UBXN11: variants seen among roughly 807,000 people sequenced by gnomAD.
UBXN11 encodes UBX domain-containing protein 11.
In UBXN11, 47 loss-of-function variants were observed where a neutral mutation model predicts 62.8. That is an observed-to-expected ratio of 0.75 (90% CI 0.59 to 0.95). UBXN11 has a LOEUF of 0.95. UBXN11 is among the 40% of genes least tolerant of loss of function. The pLI is 0.00. For synonymous variants in UBXN11, 294 were observed against 267.0 expected (o/e 1.10, Z -0.99); for missense variants, 638 against 661.7 (o/e 0.96, Z 0.39).
chr1:26,316,888 AT>A, intron 1 of UBXN11, among the ~76,000 whole-genome samples: 1 of 151,604 alleles, frequency 6.6e-6, no homozygotes, highest in South Asian at 2.1e-4. Flanking sequence ...TCCTCAGCTA[AT>A]ACAAACAACC....
upstream of UBXN11, among the ~76,000 whole-genome samples, chr1:26,307,507 T>C (rs6676527): frequency 0.87 from 132,799 of 152,084 alleles, 58,949 homozygotes; most frequent in Non-Finnish European, 0.93. Context: ...CATCATCTCT[T>C]CACCCTTTCA....
chr1:26,303,041 A>G lies in UBXN11; in HGVS notation c.-35-123T>C, dbSNP rs189580399. 217 of 617,604 alleles carry G rather than the reference A, an allele frequency of 3.5e-4. 1 individual carries two copies. Among genetic ancestry groups the G allele is most frequent in the Middle Eastern group, 1.3e-3 (3 of 2,236 alleles). The allele number at this position is 617,604 out of a possible 1,614,324, so 38.3% of individuals were successfully genotyped here. ...TGGGAAGCGCTGTCTAGGCAGCAGT[A>G]CCTTTTGCCTCTTCCACTGTCTCCA... On this transcript the variant is annotated intron_variant, in intron 1 of 14. Transcript: ENST00000374222.
In UBXN11 at chr1:26,297,428, TG is replaced by T. The variant is rs1303848675; in HGVS notation, c.353del (p.Pro118GlnfsTer61). On this transcript the variant is annotated frameshift_variant and splice_region_variant, in exon 6 of 15. Transcript: ENST00000374222. LOFTEE classifies it high-confidence loss of function. ...GTCAGCCCTCCAAGAGCCCCCTACC[TG>T]GGTGTGGCCGGAGGGTCTGCACCAG... ...EDLVQTLRPH[P>X]AEATLQRQEE... The T allele has an allele frequency of 1.3e-6, 2 of 1,548,144 alleles. No homozygotes were observed. Among genetic ancestry groups the T allele is most frequent in the Non-Finnish European group, 1.7e-6 (2 of 1,145,802 alleles).
intron 7 of UBXN11, 23 bp downstream of exon 7, chr1:26,296,896 C>T: frequency 6.3e-7 from 1 of 1,590,996 alleles, no homozygotes; most frequent in South Asian, 1.1e-5. Context: ...CTGCCCGCAT[C>T]CCCCGGGGCC....
chr1:26,303,140 C>CT (rs2073579788), intron 1 of UBXN11: 1 of 382,546 alleles, frequency 2.6e-6, no homozygotes, highest in Admixed American at 4.1e-5. Flanking sequence ...ACTGAGAGAC[C>CT]TTTGGCCTGG....
At chr1:26,315,823 C>T (rs1490817036) in intron 1 of UBXN11, among the ~76,000 whole-genome samples, 1 of 152,120 alleles carries the variant, frequency 6.6e-6, no homozygotes, top group Non-Finnish European at 1.5e-5. Flanking sequence ...GCACACCTGG[C>T]TAATTTCTGT....
At chr1:26,283,104 A>G (rs1006630615) in intron 12 of UBXN11, among the ~76,000 whole-genome samples, 167 bp from the exon 13 acceptor site, 1 of 152,196 alleles carries the variant, frequency 6.6e-6, no homozygotes, top group Admixed American at 6.5e-5. Flanking sequence ...TGGAAGGGGA[A>G]GAAGGTTCTG....
At chr1:26,292,067 GCATCATCT>G (rs1321265319) in intron 8 of UBXN11, among the ~76,000 whole-genome samples, 1 of 152,146 alleles carries the variant, frequency 6.6e-6, no homozygotes, top group African/African-American at 2.4e-5. Context: ...CTCAAGCTGG[GCATCATCT>G]CATCTTCTGC....
chr1:26,292,821 T>C (rs1032692777), intron 8 of UBXN11, among the ~76,000 whole-genome samples: 3 of 151,602 alleles, frequency 2.0e-5, no homozygotes, highest in Non-Finnish European at 2.9e-5. Context: ...GCCATTGCAC[T>C]CTAGCCTGGG....
chr1:26,298,200 C>G (rs1434851713), intron 4 of UBXN11, 138 bp from the exon 5 acceptor site: 8 of 793,454 alleles, frequency 1.0e-5, no homozygotes, highest in Middle Eastern at 2.3e-4. Flanking sequence ...AGGAACTGTT[C>G]TAAACACTTC....
At position 26,301,683 on chromosome 1, in the gene UBXN11, G is replaced by A. The variant is rs143177696; in HGVS notation, c.100+11C>T. ...AGAGGCGAAGAGGGCACGAGGGCGG[G>A]GCACACTTACCATCTCCATAGATGC... On this transcript the variant is annotated intron_variant, in intron 3 of 14. Transcript: ENST00000374222. 373 of 1,613,812 alleles carry A rather than the reference G, an allele frequency of 2.3e-4. 2 individuals carry two copies. The highest frequency in any genetic ancestry group is 1.8e-3 in the Middle Eastern group (11 of 6,056).
At chr1:26,284,950 C>G in intron 10 of UBXN11, 20 of 1,001,148 alleles carry the variant, frequency 2.0e-5, no homozygotes, top group Non-Finnish European at 2.4e-5. Flanking sequence ...GACACATGCT[C>G]CCTCCCGGAC....
At chr1:26,311,287 C>T (rs1007356378), upstream of UBXN11, among the ~76,000 whole-genome samples, 3 of 149,480 alleles carry the variant, frequency 2.0e-5, no homozygotes, top group Non-Finnish European at 4.5e-5. Context: ...TACAGGTGCC[C>T]ACCACCATGC....
In UBXN11 at chr1:26,297,413, C is replaced by G; in HGVS notation, c.355+14G>C. ...TGACTGGGGGCGCAGGTCAGCCCTC[C>G]AAGAGCCCCCTACCTGGGTGTGGCC... On this transcript the variant is annotated intron_variant, in intron 6 of 14. Coordinates refer to ENST00000374222, the MANE Select transcript of UBXN11 (RefSeq NM_001389556.1). The G allele has an allele frequency of 6.5e-7, 1 of 1,534,552 alleles. No individual in the cohort carries two copies. Among genetic ancestry groups the G allele is most frequent in the Non-Finnish European group, 8.8e-7 (1 of 1,140,390 alleles).
rs56003085 is a variant in UBXN11 at position 26,302,362 on chromosome 1, TA to T, written c.71+450del. ...GGGCGACAGAGCGAGACTTGGTCTT[TA>T]AAAAAAAAAAAAAAAAAAAAAAAAA... On this transcript the variant is annotated intron_variant, in intron 2 of 14. Transcript: ENST00000374222. Among the ~76,000 whole-genome samples the T allele has an allele frequency of 1.4e-3, 96 of 69,550 alleles. 1 individual carries two copies. The highest frequency in any genetic ancestry group is 0.013 in the Middle Eastern group (1 of 76). 45.6% of individuals were successfully genotyped at this position (69,550 alleles called of 152,430 possible).
chr1:26,284,721 C>T lies in UBXN11; in HGVS notation c.853-239G>A, dbSNP rs2073085758. ...GCTGAAGCTGCAGTACTGACACCCT[C>T]CTTGGAGACCCCCCTCTCAGGAGCC... On this transcript the variant is annotated intron_variant, in intron 10 of 14. Transcript: ENST00000374222. 4 of 1,285,554 alleles carry T rather than the reference C, an allele frequency of 3.1e-6. No individual in the cohort carries two copies. In the Admixed American group the frequency reaches 1.6e-4, roughly 50 times the overall value. The allele number at this position is 1,285,554 out of a possible 1,614,324, so 79.6% of individuals were successfully genotyped here. A position where few individuals can be genotyped will look rare whatever the true frequency, so the allele number is the denominator to read the frequency against.
chr1:26,318,078 G>A (rs747433383), exon 1 of UBXN11: 3 of 1,613,536 alleles, frequency 1.9e-6, no homozygotes, highest in South Asian at 2.2e-5. Flanking sequence ...ACAGGTAAGA[G>A]CAACGCCTGG....
At position 26,282,612 on chromosome 1, in the gene UBXN11, G is replaced by C. The variant is rs2073025092; in HGVS notation, c.1292+37C>G. Reference sequence around the variant, plus strand: ...CAGATCAGGCTGGGCAGTGGGACCAGAGCCCCTCTGTGGCCCTGGCCCTGC... The same window carrying C: ...CAGATCAGGCTGGGCAGTGGGACCACAGCCCCTCTGTGGCCCTGGCCCTGC... On this transcript the variant is annotated intron_variant, in intron 14 of 14. Coordinates refer to ENST00000374222, the MANE Select transcript of UBXN11 (RefSeq NM_001389556.1). The C allele has an allele frequency of 5.6e-6, 9 of 1,612,974 alleles. No homozygotes were observed. In the East Asian group the frequency reaches 2.0e-4, roughly 36 times the overall value.
chr1:26,301,902 G>A (rs1444541825), intron 2 of UBXN11, among the ~76,000 whole-genome samples, 180 bp from the exon 3 acceptor site: 2 of 152,172 alleles, frequency 1.3e-5, no homozygotes, highest in Non-Finnish European at 2.9e-5. Context: ...ACAAGGGACA[G>A]GCTTCGAGGT....
Sources: allele counts gnomAD v4.1 joint callset (sites outside exome capture counted in the v4.1 genomes callset), GRCh38; gene constraint gnomAD v4.1.1; transcripts MANE v1.5; gene names NCBI Gene and HGNC (gene_info 2026-07-23, HGNC 2026-07-21).